TUSC3: variants seen among roughly 807,000 people sequenced by gnomAD.
TUSC3 encodes tumor suppressor candidate 3.
In TUSC3, 45 loss-of-function variants were observed where a neutral mutation model predicts 44.8. The observed-to-expected ratio is 1.00, with a 90% CI of 0.79 to 1.29. The LOEUF (loss-of-function observed/expected upper bound fraction) is 1.29. TUSC3 is among the 50% of genes most tolerant of loss of function. The pLI is 0.00. For synonymous variants in TUSC3, 212 were observed against 152.9 expected, an observed-to-expected ratio of 1.39 and a Z score of -2.85; for missense variants, 519 against 437.9, an observed-to-expected ratio of 1.19 and a Z score of -1.65.
chr8:15,735,241 T>A (rs1027202768), intron 7 of TUSC3, among the ~76,000 whole-genome samples: 4 of 150,542 alleles, frequency 2.7e-5, no homozygotes, highest in Non-Finnish European at 5.9e-5. Flanking sequence ...AGCATGAACC[T>A]AAGTAAGGGA....
At chr8:15,603,414 G>A (rs1282311605) in intron 1 of TUSC3, among the ~76,000 whole-genome samples, 2 of 151,602 alleles carry the variant, frequency 1.3e-5, no homozygotes, top group East Asian at 3.9e-4. Context: ...TTGCTGGTAG[G>A]AGTTAGTTTG....
At position 15,766,463 on chromosome 8, in the gene TUSC3, A is replaced by G. The variant is rs1274110629; in HGVS notation, c.*2307A>G. 1.3e-5 allele frequency: 2 copies of G among 152,118 alleles called. No individual in the cohort carries two copies. Among genetic ancestry groups the G allele is most frequent in the Admixed American group, 6.6e-5 (1 of 15,252 alleles). The allele number at this position is 152,118 out of a possible 1,614,324, so 9.4% of individuals were successfully genotyped here. On this transcript the variant is annotated 3_prime_UTR_variant, in exon 11 of 11. Transcript: ENST00000503731. ...TTAACCAGATTCACTGTGCGTTCCA[A>G]ACTGTCATAAAAATTGATTATATGT...
the TUSC3 span, among the ~76,000 whole-genome samples, chr8:15,786,941 C>CAAAA: frequency 4.0e-3 from 254 of 63,212 alleles, 1 homozygote; most frequent in African/African-American, 4.9e-3. Context: ...GAGACTCCAT[C>CAAAA]AAAAAAAAAA....
chr8:15,628,019 G>A (rs1805593524), intron 2 of TUSC3, among the ~76,000 whole-genome samples: 1 of 152,162 alleles, frequency 6.6e-6, no homozygotes. Context: ...ATTAAGGGAT[G>A]CTATAAAGCC....
At chr8:15,547,302 G>C (rs1449970899) in intron 1 of TUSC3, among the ~76,000 whole-genome samples, 3 of 151,564 alleles carry the variant, frequency 2.0e-5, no homozygotes, top group Non-Finnish European at 4.4e-5. Context: ...TTGTCATTGT[G>C]ATTTGACTCA....
intron 1 of TUSC3, among the ~76,000 whole-genome samples, chr8:15,438,297 T>A (rs1431971667): frequency 6.6e-6 from 1 of 152,148 alleles, no homozygotes; most frequent in Non-Finnish European, 1.5e-5. Flanking sequence ...GGTTTCTCCA[T>A]GTTGGTCAGG....
intron 5 of TUSC3, among the ~76,000 whole-genome samples, chr8:15,668,830 A>C (rs1374512446): frequency 6.6e-6 from 1 of 151,746 alleles, no homozygotes; most frequent in Non-Finnish European, 1.5e-5. Context: ...TGCTGTATGA[A>C]ACTTTAGATA....
the TUSC3 span, among the ~76,000 whole-genome samples, chr8:15,824,263 C>T: frequency 6.6e-6 from 1 of 152,116 alleles, no homozygotes; most frequent in African/African-American, 2.4e-5. Context: ...CCACAGTCTT[C>T]CCAGTAGGAT....
chr8:15,795,528 C>T, the TUSC3 span, among the ~76,000 whole-genome samples: 4 of 152,132 alleles, frequency 2.6e-5, no homozygotes, highest in African/African-American at 7.2e-5. Context: ...TAATGAGAGC[C>T]TCATTTTGGA....
chr8:15,583,817 G>T (rs1346156803), intron 1 of TUSC3, among the ~76,000 whole-genome samples: 1 of 152,112 alleles, frequency 6.6e-6, no homozygotes, highest in East Asian at 1.9e-4. Context: ...AGCCATTTAT[G>T]TATATCCTAA....
At chr8:15,759,211 A>G (rs1459898264) in intron 10 of TUSC3, among the ~76,000 whole-genome samples, 1 of 152,050 alleles carries the variant, frequency 6.6e-6, no homozygotes, top group Non-Finnish European at 1.5e-5. Context: ...TCCCGTTTGC[A>G]CCTTTTTTGG....
chr8:15,425,007 T>A (rs185144026), intron 1 of TUSC3, among the ~76,000 whole-genome samples: 59 of 152,294 alleles, frequency 3.9e-4, no homozygotes, highest in Non-Finnish European at 7.1e-4. Flanking sequence ...ATGTGCTATT[T>A]GCATAAGGAT....
intron 2 of TUSC3, among the ~76,000 whole-genome samples, chr8:15,521,962 G>T (rs1053663118): frequency 8.5e-5 from 13 of 152,184 alleles, no homozygotes; most frequent in African/African-American, 3.1e-4. Flanking sequence ...TGCAGCAAAC[G>T]AATAGCTGCT....
At chr8:15,715,496 G>T (rs540338103) in intron 6 of TUSC3, among the ~76,000 whole-genome samples, 1 of 152,114 alleles carries the variant, frequency 6.6e-6, no homozygotes, top group South Asian at 2.1e-4. Context: ...GGCATGATTC[G>T]CAGCCCAAGG....
intron 6 of TUSC3, among the ~76,000 whole-genome samples, chr8:15,690,798 T>G (rs75141359): frequency 3.3e-5 from 5 of 152,116 alleles, no homozygotes; most frequent in East Asian, 1.9e-4. Flanking sequence ...TTGTCAAAGA[T>G]CAGAGAGTTG....
intron 2 of TUSC3, among the ~76,000 whole-genome samples, chr8:15,496,103 C>T (rs904074920): frequency 1.3e-5 from 2 of 152,130 alleles, no homozygotes; most frequent in African/African-American, 4.8e-5. Flanking sequence ...AAAGCCACGA[C>T]CACTAAAATT....
In TUSC3 at chr8:15,447,828, T is replaced by A. The variant is rs112139550; in HGVS notation, n.91+30523T>A. Among the ~76,000 whole-genome samples, 1,383 of 151,812 alleles carry A rather than the reference T, an allele frequency of 9.1e-3. 22 individuals are homozygous for A. Among genetic ancestry groups the A allele is most frequent in the African/African-American group, 0.032 (1,314 of 41,420 alleles). On this transcript the variant is annotated intron_variant and non_coding_transcript_variant, in intron 1 of 5. Coordinates refer to the TUSC3 transcript ENST00000503191. ...ATAAATGAGATGGTAAGTGATACCA[T>A]GCGAGAACCCATAAAAACAGAGACT...
At chr8:15,700,849 C>CTGTTTTTTTTTTT (rs1809367057) in intron 6 of TUSC3, among the ~76,000 whole-genome samples, 1 of 90,534 alleles carries the variant, frequency 1.1e-5, no homozygotes, top group Non-Finnish European at 2.0e-5. Context: ...ATGGCTGGAG[C>CTGTTTTTTTTTTT]TTTTTTTTTT....
rs151223991 is a variant in TUSC3, at chr8:15,523,639, C to CAT, written n.189+40181_189+40182dup. On this transcript the variant is annotated intron_variant and non_coding_transcript_variant, in intron 2 of 5. Coordinates refer to the TUSC3 transcript ENST00000503191. ...AATTGGCTTAAAAATCCTTTAAAAA[C>CAT]ATATATATATATATATATATATATA... Among the ~76,000 whole-genome samples the CAT allele has an allele frequency of 4.1e-3, 261 of 63,648 alleles. 6 individuals are homozygous for CAT. Among genetic ancestry groups the CAT allele is most frequent in the African/African-American group, 0.016 (224 of 14,288 alleles). 41.8% of individuals were successfully genotyped at this position (63,648 alleles called of 152,430 possible).
Sources: allele counts gnomAD v4.1 joint callset (sites outside exome capture counted in the v4.1 genomes callset), GRCh38; gene constraint gnomAD v4.1.1; transcripts MANE v1.5; gene names NCBI Gene and HGNC (gene_info 2026-07-23, HGNC 2026-07-21).